The following STPG2 variants were observed in gnomAD, a reference collection of about 807,000 sequenced individuals.
STPG2 encodes the protein sperm tail PG-rich repeat containing 2.
In STPG2, 56 loss-of-function variants were observed where a neutral mutation model predicts 54.2. The observed-to-expected ratio is 1.03, with a 90% CI of 0.83 to 1.29. The LOEUF (loss-of-function observed/expected upper bound fraction) is 1.29, where lower values mean the gene tolerates loss of function less well. STPG2 is among the 50% of genes most tolerant of loss of function. The pLI is 0.00. For missense variants in STPG2, 596 were observed against 544.9 expected (o/e 1.09, Z -0.93); for synonymous variants, 200 against 181.8 (o/e 1.10, Z -0.81).
chr4:97,723,621 T>A (rs183321073), intron 9 of STPG2, among the ~76,000 whole-genome samples: 1 of 152,192 alleles, frequency 6.6e-6, no homozygotes, highest in African/African-American at 2.4e-5. Context: ...CTCTGGTAAA[T>A]GTATTGGTCC....
At chr4:97,806,458 G>A (rs1312986138) in intron 9 of STPG2, among the ~76,000 whole-genome samples, 1 of 150,620 alleles carries the variant, frequency 6.6e-6, no homozygotes, top group African/African-American at 2.5e-5. Flanking sequence ...CCAAACCTCA[G>A]CATCACACAA....
At chr4:97,955,561 T>C (rs1733646088) in intron 7 of STPG2, among the ~76,000 whole-genome samples, 1 of 152,120 alleles carries the variant, frequency 6.6e-6, no homozygotes, top group Non-Finnish European at 1.5e-5. Flanking sequence ...TGAATAGTTC[T>C]AACACATATA....
intron 2 of STPG2, among the ~76,000 whole-genome samples, chr4:98,132,484 C>T (rs1378494464): frequency 6.6e-6 from 1 of 151,914 alleles, no homozygotes; most frequent in Admixed American, 6.6e-5. Context: ...CTTTTCTGTT[C>T]ATGATATCTT....
At chr4:97,779,768 G>T (rs1313354814) in intron 9 of STPG2, among the ~76,000 whole-genome samples, 2 of 152,170 alleles carry the variant, frequency 1.3e-5, no homozygotes, top group Non-Finnish European at 2.9e-5. Flanking sequence ...GAGAGTGGGG[G>T]CCAATATACA....
At chr4:97,466,334 G>T (rs1478894179) in intron 4 of STPG2, among the ~76,000 whole-genome samples, 2 of 151,914 alleles carry the variant, frequency 1.3e-5, no homozygotes, top group South Asian at 4.1e-4. Flanking sequence ...ATCTAGATAT[G>T]CCCTAATCAG....
intron 10 of STPG2, among the ~76,000 whole-genome samples, chr4:97,627,855 A>G (rs1473955941): frequency 7.0e-6 from 1 of 143,186 alleles, no homozygotes; most frequent in East Asian, 1.9e-4. Flanking sequence ...TGTAATTCTG[A>G]GAAACGGGGC....
chr4:97,656,194 G>A (rs1722213980), intron 10 of STPG2, among the ~76,000 whole-genome samples: 1 of 152,080 alleles, frequency 6.6e-6, no homozygotes, highest in Non-Finnish European at 1.5e-5. Flanking sequence ...CAGTAACTTG[G>A]GTTGCAGTGT....
At chr4:97,478,245 G>T (rs1459958711) in intron 4 of STPG2, among the ~76,000 whole-genome samples, 1 of 152,124 alleles carries the variant, frequency 6.6e-6, no homozygotes, top group Non-Finnish European at 1.5e-5. Context: ...ACTGAGTCAA[G>T]TAGTATGGAG....
intron 4 of STPG2, among the ~76,000 whole-genome samples, chr4:97,452,828 C>T (rs1729411751): frequency 6.6e-6 from 1 of 152,154 alleles, no homozygotes; most frequent in South Asian, 2.1e-4. Flanking sequence ...CTTCTCTCTG[C>T]TAGGAGCTGA....
chr4:97,841,033 C>A (rs1728787994), intron 8 of STPG2, 101 bp from the exon 9 acceptor site: 5 of 1,101,198 alleles, frequency 4.5e-6, no homozygotes, highest in Non-Finnish European at 5.0e-6. Flanking sequence ...ATAGAAAAAT[C>A]CTAATACTTT....
At chr4:97,768,041 T>TGC (rs1560520035) in intron 9 of STPG2, among the ~76,000 whole-genome samples, 62 of 151,680 alleles carry the variant, frequency 4.1e-4, no homozygotes, top group Middle Eastern at 3.4e-3. Context: ...GTGGCGGGCG[T>TGC]CTGTAGTCCC....
intron 10 of STPG2, among the ~76,000 whole-genome samples, chr4:97,634,545 C>G (rs1253357952): frequency 6.6e-6 from 1 of 151,568 alleles, no homozygotes; most frequent in Non-Finnish European, 1.5e-5. Context: ...TTACTCTGAG[C>G]TACGGGAGGA....
chr4:97,636,519 CA>C (rs1005009897), intron 10 of STPG2, among the ~76,000 whole-genome samples: 1 of 147,280 alleles, frequency 6.8e-6, no homozygotes, highest in African/African-American at 2.6e-5. Flanking sequence ...AATAGAGACA[CA>C]AAAAACCCTT....
chr4:97,909,678 G>C (rs1328827098), intron 8 of STPG2, among the ~76,000 whole-genome samples: 1 of 151,996 alleles, frequency 6.6e-6, no homozygotes, highest in Non-Finnish European at 1.5e-5. Flanking sequence ...TAATTTACTT[G>C]ATAAGAGAAT....
At position 98,128,442 on chromosome 4, in the gene STPG2, A is replaced by G. The variant is rs17558193; in HGVS notation, c.373T>C (p.Tyr125His). The change falls in exon 3 of 11, where the codon TAC becomes CAC. Residue 125 changes from tyrosine to histidine, a missense_variant. Transcript: ENST00000295268. ...ACDSTLGPAY[Y>H]KPQFDVSNAT... Reference sequence around the variant, plus strand: ...ATTATACTTACAAATTGAGGTTTGTAGTATGCTGGACCAAGTGTACTGTCA... The same window carrying G: ...ATTATACTTACAAATTGAGGTTTGTGGTATGCTGGACCAAGTGTACTGTCA... 634,192 of 1,601,808 alleles carry G rather than the reference A, an allele frequency of 0.4. 127,828 individuals carry two copies. The highest frequency in any genetic ancestry group is 0.45 in the Middle Eastern group (2,609 of 5,768).
intron 5 of STPG2, among the ~76,000 whole-genome samples, chr4:97,996,903 G>T (rs1223748882): frequency 6.6e-6 from 1 of 152,164 alleles, no homozygotes; most frequent in South Asian, 2.1e-4. Context: ...TTTCACACTG[G>T]TCAGGATGGC....
chr4:97,825,599 G>A (rs1728227821), intron 9 of STPG2, among the ~76,000 whole-genome samples: 1 of 152,100 alleles, frequency 6.6e-6, no homozygotes, highest in African/African-American at 2.4e-5. Flanking sequence ...CCTAGAAACT[G>A]TATGCTCTCC....
intron 9 of STPG2, among the ~76,000 whole-genome samples, chr4:97,727,238 T>G (rs1047818587): frequency 6.6e-6 from 1 of 151,918 alleles, no homozygotes; most frequent in African/African-American, 2.4e-5. Flanking sequence ...AAATTAATAA[T>G]GTGTCTATCT....
chr4:97,822,453 T>C (rs905746513), intron 9 of STPG2, among the ~76,000 whole-genome samples: 2 of 152,216 alleles, frequency 1.3e-5, no homozygotes, highest in African/African-American at 4.8e-5. Context: ...TGTTACTCAG[T>C]TCCAAAGTTC....
Sources: allele counts gnomAD v4.1 joint callset (sites outside exome capture counted in the v4.1 genomes callset), GRCh38; gene constraint gnomAD v4.1.1; transcripts MANE v1.5; gene names NCBI Gene and HGNC (gene_info 2026-07-23, HGNC 2026-07-21).